Variants in FAM177A1 observed in about 807,000 individuals in gnomAD.
FAM177A1 encodes the protein family with sequence similarity 177 member A1.
A neutral mutation model predicts 26.1 loss-of-function variants in FAM177A1; 22 were observed. The observed-to-expected ratio is 0.84, with a 90% CI of 0.60 to 1.20. The LOEUF (loss-of-function observed/expected upper bound fraction) is 1.20, where lower values mean the gene tolerates loss of function less well. FAM177A1 is among the 50% of genes most tolerant of loss of function. FAM177A1 has a pLI of 0.00. For missense variants in FAM177A1, 296 were observed against 291.1 expected (o/e 1.02, Z -0.12); for synonymous variants, 95 against 99.3 (o/e 0.96, Z 0.26).
At chr14:35,064,765 C>T (rs2045215314) in intron 2 of FAM177A1, among the ~76,000 whole-genome samples, 2 of 151,690 alleles carry the variant, frequency 1.3e-5, no homozygotes, top group Non-Finnish European at 2.9e-5. Flanking sequence ...ATTCTCCTTG[C>T]CTCAGCCTCC....
intron 2 of FAM177A1, among the ~76,000 whole-genome samples, chr14:35,071,932 TTA>T (rs1320755721): frequency 6.6e-6 from 1 of 152,184 alleles, no homozygotes; most frequent in African/African-American, 2.4e-5. Context: ...CACATATTTC[TTA>T]TGTTATATGT....
At chr14:35,075,276 A>T (rs1266863696) in intron 2 of FAM177A1, among the ~76,000 whole-genome samples, 3 of 152,190 alleles carry the variant, frequency 2.0e-5, no homozygotes, top group Admixed American at 6.5e-5. Flanking sequence ...GGCTTACCAA[A>T]TATGCACTGA....
chr14:35,080,057 C>CTCTG (rs1402698173), intron 4 of FAM177A1, among the ~76,000 whole-genome samples: 2 of 151,674 alleles, frequency 1.3e-5, no homozygotes, highest in African/African-American at 4.8e-5. Context: ...TAAATGGTCT[C>CTCTG]TATTCTCAAG....
At position 35,081,931 on chromosome 14, in the gene FAM177A1, A is replaced by G. The variant is rs2045490390; in HGVS notation, c.*703A>G. On this transcript the variant is annotated 3_prime_UTR_variant, in exon 5 of 5. Coordinates refer to ENST00000280987, the MANE Select transcript of FAM177A1 (RefSeq NM_173607.5). ...ATTTATTAATGTTAATACCTAGTGAATATCCATGTGGCATCCTGGTTATGT... is the reference window on the plus strand; with the variant it reads ...ATTTATTAATGTTAATACCTAGTGAGTATCCATGTGGCATCCTGGTTATGT... The G allele has an allele frequency of 1.3e-5, 2 of 150,328 alleles. No individual in the cohort carries two copies. The highest frequency in any genetic ancestry group is 6.8e-5 in the Admixed American group (1 of 14,808). 9.3% of individuals were successfully genotyped at this position (150,328 alleles called of 1,614,324 possible).
intron 2 of FAM177A1, among the ~76,000 whole-genome samples, chr14:35,060,354 CCTTT>C (rs1433262400): frequency 1.3e-5 from 2 of 152,024 alleles, no homozygotes; most frequent in African/African-American, 4.8e-5. Flanking sequence ...GTTATACCTT[CCTTT>C]ATTTTTAATT....
intron 3 of FAM177A1, among the ~76,000 whole-genome samples, chr14:35,078,363 C>CT (rs2045428591): frequency 1.3e-5 from 2 of 152,056 alleles, no homozygotes; most frequent in African/African-American, 4.8e-5. Flanking sequence ...ATACATTTTT[C>CT]TTTTTTGAGA....
chr14:35,066,550 G>T (rs1417918618), intron 2 of FAM177A1, among the ~76,000 whole-genome samples: 1 of 150,732 alleles, frequency 6.6e-6, no homozygotes, highest in African/African-American at 2.4e-5. Flanking sequence ...GATTACAGGT[G>T]TGCGCTACCA....
At chr14:35,066,579 A>G (rs2045244624) in intron 2 of FAM177A1, among the ~76,000 whole-genome samples, 1 of 148,842 alleles carries the variant, frequency 6.7e-6, no homozygotes, top group Non-Finnish European at 1.5e-5. Flanking sequence ...TAATTTTTGT[A>G]TTTTTAGTAG....
At position 35,046,481 on chromosome 14, in the gene FAM177A1, G is replaced by T. The variant is rs1358976701; in HGVS notation, c.18G>T (p.Pro6=). Residue 6 remains proline, a synonymous_variant, in exon 1 of 5, where the codon CCG becomes CCT. Coordinates refer to ENST00000280987, the MANE Select transcript of FAM177A1 (RefSeq NM_173607.5). MEVGL[P]AITLFLTSAS... ...GACCAAGGATGGAAGTGGGCTTACC[G>T]GCCATTACCCTCTTTCTCACCAGCG... 2 of 1,593,260 alleles carry T rather than the reference G, an allele frequency of 1.3e-6. No individual in the cohort carries two copies. Among genetic ancestry groups the T allele is most frequent in the South Asian group, 1.1e-5 (1 of 88,312 alleles).
At chr14:35,045,518 T>C (rs954859578), upstream of FAM177A1, among the ~76,000 whole-genome samples, 25 of 152,068 alleles carry the variant, frequency 1.6e-4, no homozygotes, top group African/African-American at 5.8e-4. Flanking sequence ...AGTATGAAAA[T>C]GGAATTTAAA....
At chr14:35,055,799 G>A (rs2045053320) in intron 2 of FAM177A1, among the ~76,000 whole-genome samples, 1 of 152,114 alleles carries the variant, frequency 6.6e-6, no homozygotes, top group Admixed American at 6.6e-5. Context: ...TACCAGCAGT[G>A]TGTAAGGATA....
intron 1 of FAM177A1, 92 bp from the exon 2 acceptor site, chr14:35,053,186 T>C (rs1251370419): frequency 8.7e-7 from 1 of 1,149,116 alleles, no homozygotes; most frequent in Non-Finnish European, 1.2e-6. Flanking sequence ...TTTATTTCTT[T>C]ACTACAATAA....
At chr14:35,057,528 C>T (rs1386037912) in intron 2 of FAM177A1, among the ~76,000 whole-genome samples, 3 of 151,960 alleles carry the variant, frequency 2.0e-5, no homozygotes, top group African/African-American at 4.8e-5. Flanking sequence ...TACAGGTGCA[C>T]GCCACCATGC....
In FAM177A1 at chr14:35,053,464, T is replaced by C. The variant is rs1260907057; in HGVS notation, c.339+13T>C. The C allele has an allele frequency of 3.1e-6, 5 of 1,612,568 alleles. No individual in the cohort carries two copies. The highest frequency in any genetic ancestry group is 2.2e-5 in the East Asian group (1 of 44,870). ...TACTGTTGATCCGGTAGGTTTGATA[T>C]TGATGATTCTTTCCTCAGTGGGCTT... is the stretch of plus-strand genomic sequence containing the variant. On this transcript the variant is annotated intron_variant, in intron 2 of 4. Coordinates refer to ENST00000280987, the MANE Select transcript of FAM177A1 (RefSeq NM_173607.5).
Position 35,068,988 on chromosome 14 carries a change from C to T in FAM177A1, c.340-8162C>T, listed in dbSNP as rs370170303. Among the ~76,000 whole-genome samples the T allele has an allele frequency of 7.2e-5, 11 of 152,292 alleles. No individual in the cohort carries two copies. In the East Asian group the frequency reaches 1.7e-3, roughly 24 times the overall value. On this transcript the variant is annotated intron_variant, in intron 2 of 4. Transcript: ENST00000280987. ...GAGCTGTCATGGCATAATCACTGCT[C>T]GTTCAGTCCCAGCTCCCAACACTGT... is the stretch of plus-strand genomic sequence containing the variant.
At chr14:35,058,032 C>A (rs535216070) in intron 2 of FAM177A1, among the ~76,000 whole-genome samples, 1 of 152,004 alleles carries the variant, frequency 6.6e-6, no homozygotes, top group African/African-American at 2.4e-5. Context: ...CCTTGCTGAT[C>A]ATCTGCCCTG....
chr14:35,066,094 T>G (rs1408545903), intron 2 of FAM177A1, among the ~76,000 whole-genome samples: 1 of 152,126 alleles, frequency 6.6e-6, no homozygotes, highest in Non-Finnish European at 1.5e-5. Flanking sequence ...TGAGACAAGG[T>G]CTTCCTCTGT....
chr14:35,069,026 A>G (rs2045278975), intron 2 of FAM177A1, among the ~76,000 whole-genome samples: 1 of 152,202 alleles, frequency 6.6e-6, no homozygotes, highest in African/African-American at 2.4e-5. Flanking sequence ...TATTGTTTCC[A>G]ACACACGTTT....
chr14:35,065,588 A>G (rs1296465102), intron 2 of FAM177A1, among the ~76,000 whole-genome samples: 1 of 152,128 alleles, frequency 6.6e-6, no homozygotes, highest in African/African-American at 2.4e-5. Context: ...TTCTTTAAAT[A>G]AAAATGTGTT....
Sources: gnomAD v4.1 joint callset for allele counts (sites outside exome capture counted in the v4.1 genomes callset) on GRCh38, gnomAD v4.1.1 for gene constraint, MANE v1.5 for transcripts, NCBI Gene and HGNC (gene_info 2026-07-23, HGNC 2026-07-21) for gene names.